The following TMEM266 variants were observed in gnomAD, a reference collection of about 807,000 sequenced individuals.
The protein encoded by TMEM266 is Hv1 related protein 1.
TMEM266 carries 33 observed loss-of-function variants against 50.5 expected under a neutral mutation model. The observed-to-expected ratio is 0.65, with a 90% CI of 0.50 to 0.87. The LOEUF is 0.87. Among genes scored for constraint, TMEM266 ranks in the 40% least tolerant of loss-of-function variants. TMEM266 has a pLI of 0.00. For missense variants in TMEM266, 655 were observed against 695.1 expected, an observed-to-expected ratio of 0.94 and a Z score of 0.65; for synonymous variants, 310 against 292.3, an observed-to-expected ratio of 1.06 and a Z score of -0.62.
chr15:76,095,023 CAG>C (rs1047599852), intron 1 of TMEM266, among the ~76,000 whole-genome samples: 7 of 152,076 alleles, frequency 4.6e-5, no homozygotes, highest in African/African-American at 1.7e-4. Context: ...GCCAAGACAA[CAG>C]GGTTTTCTAA....
rs908396105 is a variant in TMEM266, at chr15:76,156,622, G to A, written c.246G>A (p.Pro82=). ...CCCACAGGTCTAACTGGCTGAAGCC[G>A]TGCTGTGGGAAGAGAGCAGCCGTGT... The change falls in exon 4 of 11, where the codon CCG becomes CCA. Residue 82 remains proline (P), a synonymous_variant. Transcript: ENST00000388942. 57 of 1,613,950 alleles carry A rather than the reference G, an allele frequency of 3.5e-5. No homozygotes were observed. Among genetic ancestry groups the A allele is most frequent in the South Asian group, 4.4e-5 (4 of 91,062 alleles).
At chr15:76,151,498 C>T (rs1201408661) in intron 3 of TMEM266, among the ~76,000 whole-genome samples, 1 of 152,120 alleles carries the variant, frequency 6.6e-6, no homozygotes, top group Non-Finnish European at 1.5e-5. Flanking sequence ...GGTCTGTGGT[C>T]TTGCAGTCTA....
chr15:76,131,812 G>GT (rs1394942548), intron 1 of TMEM266, among the ~76,000 whole-genome samples: 1 of 152,214 alleles, frequency 6.6e-6, no homozygotes, highest in East Asian at 1.9e-4. Flanking sequence ...AACATCTGGT[G>GT]TGGATATGAT....
At chr15:76,140,245 T>C (rs1041628314) in intron 3 of TMEM266, among the ~76,000 whole-genome samples, 1 of 152,058 alleles carries the variant, frequency 6.6e-6, no homozygotes, top group African/African-American at 2.4e-5. Flanking sequence ...GCCAGAGGGC[T>C]TCCTGGAGGA....
intron 1 of TMEM266, among the ~76,000 whole-genome samples, chr15:76,122,838 C>T (rs904578977): frequency 5.9e-5 from 9 of 152,108 alleles, no homozygotes; most frequent in African/African-American, 2.2e-4. Flanking sequence ...TCCTTTGTCT[C>T]AGTGGGGTCA....
intron 1 of TMEM266, among the ~76,000 whole-genome samples, chr15:76,100,549 G>A (rs1455048142): frequency 6.6e-6 from 1 of 152,144 alleles, no homozygotes; most frequent in East Asian, 1.9e-4. Context: ...TATCTCCATA[G>A]CCTTGGTGCC....
chr15:76,099,980 A>T (rs1023402589), intron 1 of TMEM266, among the ~76,000 whole-genome samples: 1 of 152,160 alleles, frequency 6.6e-6, no homozygotes, highest in South Asian at 2.1e-4. Flanking sequence ...GTTAGATCTC[A>T]TGAGAATTCA....
At chr15:76,095,994 G>T (rs1567149015) in intron 1 of TMEM266, among the ~76,000 whole-genome samples, 1 of 151,890 alleles carries the variant, frequency 6.6e-6, no homozygotes, top group Non-Finnish European at 1.5e-5. Flanking sequence ...GCATCTATTT[G>T]ATTCTTTCTT....
In TMEM266 at chr15:76,204,103, C is replaced by T; in HGVS notation, c.1384C>T (p.Pro462Ser). 2 of 1,612,990 alleles carry T rather than the reference C, an allele frequency of 1.2e-6. No individual in the cohort carries two copies. Among genetic ancestry groups the T allele is most frequent in the Non-Finnish European group, 1.7e-6 (2 of 1,179,664 alleles). The change falls in exon 11 of 11, where the codon CCC (proline) becomes TCC (serine). Residue 462 changes from proline to serine, a missense_variant. Transcript: ENST00000388942. Reference sequence around the variant, plus strand: ...TTCCCAGAAGGCCTTGGACCCAGCCCCCCTCGCCCGGCCCAGCCCAGCGGG... The same window carrying T: ...TTCCCAGAAGGCCTTGGACCCAGCCTCCCTCGCCCGGCCCAGCCCAGCGGG...
intron 1 of TMEM266, among the ~76,000 whole-genome samples, chr15:76,099,900 C>G (rs2955745): frequency 6.6e-6 from 1 of 152,064 alleles, no homozygotes; most frequent in African/African-American, 2.4e-5. Flanking sequence ...CTTACCACCA[C>G]AAAGCAGGAG....
intron 1 of TMEM266, among the ~76,000 whole-genome samples, chr15:76,102,527 T>C (rs2037014427): frequency 6.6e-6 from 1 of 152,024 alleles, no homozygotes; most frequent in Non-Finnish European, 1.5e-5. Flanking sequence ...GAGAAGGAAG[T>C]GTGCTTGACA....
chr15:76,075,237 G>A (rs2036588717), intron 1 of TMEM266, among the ~76,000 whole-genome samples: 1 of 152,114 alleles, frequency 6.6e-6, no homozygotes, highest in Non-Finnish European at 1.5e-5. Context: ...TAGGCCCTGG[G>A]AGAGAAGGTA....
At chr15:76,099,516 T>C (rs1300252427) in intron 1 of TMEM266, among the ~76,000 whole-genome samples, 2 of 152,254 alleles carry the variant, frequency 1.3e-5, no homozygotes, top group Admixed American at 6.5e-5. Flanking sequence ...GAGCTGTTCC[T>C]ATTTGGCCAT....
chr15:76,174,424 G>A (rs1164030945), intron 7 of TMEM266, among the ~76,000 whole-genome samples: 1 of 152,064 alleles, frequency 6.6e-6, no homozygotes, highest in East Asian at 1.9e-4. Context: ...GGTGGCGGGT[G>A]CCTGTAATCC....
In TMEM266 at chr15:76,193,872, T is replaced by C. The variant is rs141873353; in HGVS notation, c.958+1715T>C. On this transcript the variant is annotated intron_variant, in intron 9 of 10. Transcript: ENST00000388942. ...CCATCACCTGCATTCCCACAGCCAA[T>C]CTTCGGGGACGTGCTCTCCAAGTTC... 2.3e-3 allele frequency among the ~76,000 whole-genome samples: 351 copies of C among 152,348 alleles called. 2 individuals carry two copies. The highest frequency in any genetic ancestry group is 7.4e-3 in the African/African-American group (307 of 41,588).
chr15:76,067,769 AT>A (rs921660980), intron 1 of TMEM266, among the ~76,000 whole-genome samples: 2 of 149,824 alleles, frequency 1.3e-5, no homozygotes. Flanking sequence ...TCCTTGGGGT[AT>A]TTTTTTGTGG....
chr15:76,197,890 C>G (rs944557268), intron 9 of TMEM266, among the ~76,000 whole-genome samples: 1 of 152,246 alleles, frequency 6.6e-6, no homozygotes, highest in African/African-American at 2.4e-5. Flanking sequence ...CTGGGCAGGT[C>G]GGGGGCTCCA....
chr15:76,093,959 G>C (rs569540992), intron 1 of TMEM266, among the ~76,000 whole-genome samples: 2 of 152,110 alleles, frequency 1.3e-5, no homozygotes, highest in African/African-American at 4.8e-5. Context: ...TTTTGATGGG[G>C]TTGCTTGTTT....
chr15:76,183,239 C>T (rs2038446888), intron 8 of TMEM266, among the ~76,000 whole-genome samples: 2 of 151,058 alleles, frequency 1.3e-5, no homozygotes, highest in African/African-American at 4.9e-5. Flanking sequence ...CCTCAACCTC[C>T]CGAGTAGCTG....
Sources: gnomAD v4.1 joint callset for allele counts (sites outside exome capture counted in the v4.1 genomes callset) on GRCh38, gnomAD v4.1.1 for gene constraint, MANE v1.5 for transcripts, NCBI Gene and HGNC (gene_info 2026-07-23, HGNC 2026-07-21) for gene names.